Variants in SFXN5 observed in about 807,000 individuals in gnomAD.
The protein encoded by SFXN5 is sideroflexin 5, also known as sideroflexin-5.
In SFXN5, 43 loss-of-function variants were observed where a neutral mutation model predicts 50.2. The ratio of observed to expected loss-of-function variants is 0.86; its 90% confidence interval spans 0.67 to 1.11. The LOEUF (loss-of-function observed/expected upper bound fraction) is 1.11. Ranked by LOEUF, SFXN5 falls within the 50% of genes least tolerant of loss-of-function variation. The pLI, the probability that SFXN5 is intolerant of heterozygous loss-of-function variation, is 0.00. For missense variants in SFXN5, 463 were observed against 454.1 expected, an observed-to-expected ratio of 1.02 and a Z score of -0.18; for synonymous variants, 203 against 185.8, an observed-to-expected ratio of 1.09 and a Z score of -0.75.
intron 2 of SFXN5, among the ~76,000 whole-genome samples, chr2:73,043,967 C>G (rs1225609342): frequency 1.3e-5 from 2 of 152,120 alleles, no homozygotes; most frequent in East Asian, 3.9e-4. Context: ...CACAACCCAC[C>G]ACACACCCCC....
intron 13 of SFXN5, among the ~76,000 whole-genome samples, chr2:72,947,865 C>T (rs1054153646): frequency 2.0e-5 from 3 of 151,664 alleles, no homozygotes; most frequent in Non-Finnish European, 4.4e-5. Flanking sequence ...CGGCTCCCCT[C>T]GTCCCCACGC....
intron 10 of SFXN5, among the ~76,000 whole-genome samples, chr2:72,983,384 C>G (rs887422491): frequency 6.6e-6 from 1 of 152,142 alleles, no homozygotes; most frequent in Non-Finnish European, 1.5e-5. Flanking sequence ...CTGCTGGGGA[C>G]GGCACAGGAA....
chr2:73,066,855 A>G (rs1683216152), intron 1 of SFXN5, among the ~76,000 whole-genome samples: 1 of 149,104 alleles, frequency 6.7e-6, no homozygotes, highest in South Asian at 2.1e-4. Flanking sequence ...AAAGAAAAGA[A>G]AAGAAAAAAC....
At chr2:73,050,388 G>GCGCGCGCGCACACACACACACACA in intron 2 of SFXN5, among the ~76,000 whole-genome samples, 55 of 143,912 alleles carry the variant, frequency 3.8e-4, no homozygotes, top group South Asian at 2.4e-3. Context: ...CAGCCACAGC[G>GCGCGCGCGCACACACACACACACA]CACGCACACA....
At chr2:73,066,620 T>C (rs548637466) in intron 1 of SFXN5, among the ~76,000 whole-genome samples, 2 of 151,980 alleles carry the variant, frequency 1.3e-5, no homozygotes, top group Non-Finnish European at 2.9e-5. Context: ...GTGGGACTTA[T>C]GGGATCCTGA....
chr2:73,037,328 ATCCAGCT>A (rs1234186328), intron 3 of SFXN5, among the ~76,000 whole-genome samples: 1 of 151,964 alleles, frequency 6.6e-6, no homozygotes, highest in Non-Finnish European at 1.5e-5. Context: ...CAGGAACTTC[ATCCAGCT>A]TCCTACCTGC....
chr2:73,055,629 ACT>A, intron 2 of SFXN5, among the ~76,000 whole-genome samples: 1 of 129,186 alleles, frequency 7.7e-6, no homozygotes, highest in East Asian at 2.2e-4. Context: ...ACAGAGTCTC[ACT>A]CTGTTGCCCA....
At chr2:73,048,644 C>T (rs1680826001) in intron 2 of SFXN5, among the ~76,000 whole-genome samples, 1 of 152,204 alleles carries the variant, frequency 6.6e-6, no homozygotes, top group South Asian at 2.1e-4. Flanking sequence ...GGAACTACTA[C>T]CAGTATCACA....
intron 6 of SFXN5, among the ~76,000 whole-genome samples, chr2:73,013,031 T>C (rs1439634606): frequency 6.7e-6 from 1 of 149,792 alleles, no homozygotes; most frequent in Non-Finnish European, 1.5e-5. Flanking sequence ...CTAGTATAAA[T>C]CAGGAGAAGA....
intron 6 of SFXN5, among the ~76,000 whole-genome samples, chr2:73,015,551 C>G (rs1223986970): frequency 6.6e-6 from 1 of 151,938 alleles, no homozygotes; most frequent in Non-Finnish European, 1.5e-5. Context: ...AACTCCTGGG[C>G]TCAAGCGATT....
At chr2:73,018,222 A>C (rs1287917186) in intron 6 of SFXN5, among the ~76,000 whole-genome samples, 1 of 151,780 alleles carries the variant, frequency 6.6e-6, no homozygotes, top group Non-Finnish European at 1.5e-5. Flanking sequence ...AAGAAAGAAA[A>C]AGGAAGGAAG....
intron 11 of SFXN5, 134 bp downstream of exon 11, chr2:72,971,436 G>A (rs1425565589): frequency 6.6e-6 from 4 of 602,100 alleles, no homozygotes; most frequent in Non-Finnish European, 1.2e-5. Flanking sequence ...AGGTGGGGGT[G>A]GGGTGAGGAG....
chr2:73,026,765 G>C (rs1677608371), intron 3 of SFXN5, among the ~76,000 whole-genome samples: 1 of 151,844 alleles, frequency 6.6e-6, no homozygotes, highest in African/African-American at 2.4e-5. Context: ...TTTCACTCTT[G>C]TTGCCCAGGC....
At chr2:72,962,566 C>T (rs1673867182) in intron 12 of SFXN5, among the ~76,000 whole-genome samples, 1 of 152,224 alleles carries the variant, frequency 6.6e-6, no homozygotes, top group Non-Finnish European at 1.5e-5. Flanking sequence ...TTTAACCCTC[C>T]ATGAGTCTAA....
At chr2:73,024,031 G>C (rs1458635168) in intron 3 of SFXN5, among the ~76,000 whole-genome samples, 20 of 151,584 alleles carry the variant, frequency 1.3e-4, no homozygotes. Context: ...GTAATACCAA[G>C]ACCCCCATCA....
intron 3 of SFXN5, among the ~76,000 whole-genome samples, chr2:73,030,233 T>G (rs1438636263): frequency 1.3e-5 from 2 of 152,216 alleles, no homozygotes; most frequent in Non-Finnish European, 2.9e-5. Flanking sequence ...CTCTAAAGTC[T>G]AGCTCATCAC....
intron 7 of SFXN5, 36 bp downstream of exon 7, chr2:73,001,489 T>C: frequency 6.2e-7 from 1 of 1,611,968 alleles, no homozygotes; most frequent in Non-Finnish European, 8.5e-7. Flanking sequence ...GTGTGGGCCC[T>C]TCCTTCAGGA....
Position 72,955,089 on chromosome 2 carries a change from T to A in SFXN5, c.945+6042A>T, listed in dbSNP as rs115866000. ...CACCCCAACATCACCTAGGGATGGG[T>A]TCGAGCTCCCGGCTGCCCCCCTGCT... On this transcript the variant is annotated intron_variant, in intron 13 of 13. Coordinates refer to ENST00000272433, the MANE Select transcript of SFXN5 (RefSeq NM_144579.3). Among the ~76,000 whole-genome samples, 478 of 152,180 alleles carry A rather than the reference T, an allele frequency of 3.1e-3. 1 individual carries two copies. Among genetic ancestry groups the A allele is most frequent in the African/African-American group, 0.011 (455 of 41,540 alleles).
chr2:73,021,786 A>G (rs1676930809), intron 5 of SFXN5, among the ~76,000 whole-genome samples: 1 of 152,202 alleles, frequency 6.6e-6, no homozygotes, highest in Admixed American at 6.5e-5. Flanking sequence ...AGAAATGGCA[A>G]GAAGGAGGCG....
Sources: allele counts gnomAD v4.1 joint callset (sites outside exome capture counted in the v4.1 genomes callset), GRCh38; gene constraint gnomAD v4.1.1; transcripts MANE v1.5; gene names NCBI Gene and HGNC (gene_info 2026-07-23, HGNC 2026-07-21).